TNFSF8: variants seen among roughly 807,000 people sequenced by gnomAD.
TNFSF8 encodes the protein tumor necrosis factor ligand superfamily member 8.
Under a neutral mutation model 22.0 loss-of-function variants are expected in TNFSF8, and 4 were observed. That is an observed-to-expected ratio of 0.18 (90% CI 0.09 to 0.42). The LOEUF (loss-of-function observed/expected upper bound fraction) is 0.42, where lower values mean the gene tolerates loss of function less well. Among genes scored for constraint, TNFSF8 ranks in the 10% least tolerant of loss-of-function variants. The probability of loss-of-function intolerance (pLI) is 1.00; values close to 1 mark genes in which losing one functional copy is unlikely to be tolerated. For synonymous variants in TNFSF8, 106 were observed against 112.5 expected, an observed-to-expected ratio of 0.94 and a Z score of 0.37; for missense variants, 233 against 281.8, an observed-to-expected ratio of 0.83 and a Z score of 1.24.
intron 2 of TNFSF8, among the ~76,000 whole-genome samples, chr9:114,907,204 G>A (rs189562540): frequency 2.2e-4 from 33 of 152,198 alleles, no homozygotes; most frequent in East Asian, 2.1e-3. Context: ...GAGGCACTCC[G>A]GGCAGAAGCA....
At chr9:114,923,397 A>G (rs140263501) in intron 1 of TNFSF8, among the ~76,000 whole-genome samples, 1 of 152,240 alleles carries the variant, frequency 6.6e-6, no homozygotes. Flanking sequence ...GACAAGGATC[A>G]TTAAGAAATG....
intron 1 of TNFSF8, among the ~76,000 whole-genome samples, chr9:114,927,297 CA>C (rs1828075908): frequency 2.0e-5 from 3 of 151,880 alleles, no homozygotes; most frequent in Admixed American, 2.0e-4. Context: ...GTCCTGCACA[CA>C]GTAGATATTT....
chr9:114,894,041 T>A (rs1283365307), exon 5 of TNFSF8: 1 of 1,494,624 alleles, frequency 6.7e-7, no homozygotes, highest in African/African-American at 1.4e-5. Context: ...TGACCCAGGG[T>A]AGAAGCAGTT....
rs201591439 is a variant in TNFSF8 at position 114,903,423 on chromosome 9, GGA to G, written c.*506_*507del. ...GTCACAAGTGTATCTGCCAGTATAG[GGA>G]AGTTTCCTGTGTGAGAGAGTCCTTG... On this transcript the variant is annotated 3_prime_UTR_variant, in exon 4 of 4. Transcript: ENST00000223795. 0.023 allele frequency: 3,562 copies of G among 153,164 alleles called. 72 individuals are homozygous for G. The highest frequency in any genetic ancestry group is 0.051 in the Admixed American group (787 of 15,366). The allele number at this position is 153,164 out of a possible 1,614,324, so 9.5% of individuals were successfully genotyped here.
chr9:114,920,860 G>T (rs1292872649), intron 1 of TNFSF8, among the ~76,000 whole-genome samples: 1 of 152,096 alleles, frequency 6.6e-6, no homozygotes, highest in Admixed American at 6.5e-5. Flanking sequence ...GTAGAGACGG[G>T]ATTTCGCCAT....
chr9:114,925,704 TAAA>T lies in TNFSF8; in HGVS notation c.195+4402_195+4404del, dbSNP rs1564372986. On this transcript the variant is annotated intron_variant, in intron 1 of 3. Coordinates refer to ENST00000223795, the MANE Select transcript of TNFSF8 (RefSeq NM_001244.4). ...AAAAGAGTATTATTATTATTATTTTTAAAAAAAGAATTTTTTTTGCTTATAAAG... is the reference window on the plus strand; with the variant it reads ...AAAAGAGTATTATTATTATTATTTTTAAAAGAATTTTTTTTGCTTATAAAG... Among the ~76,000 whole-genome samples the T allele has an allele frequency of 2.0e-5, 3 of 152,086 alleles. No individual in the cohort carries two copies. The South Asian group carries it at 6.2e-4, about 32-fold the overall frequency.
At chr9:114,923,478 T>TTCTTTC (rs376484064) in intron 1 of TNFSF8, among the ~76,000 whole-genome samples, 1 of 105,682 alleles carries the variant, frequency 9.5e-6, no homozygotes, top group Admixed American at 1.1e-4. Context: ...TTTTCTTTCT[T>TTCTTTC]TTTCTTTCTT....
chr9:114,897,688 A>C (rs533436811), downstream of TNFSF8, among the ~76,000 whole-genome samples: 1 of 152,310 alleles, frequency 6.6e-6, no homozygotes, highest in African/African-American at 2.4e-5. Flanking sequence ...ATTATCTGCA[A>C]GCTTCTGGTG....
At chr9:114,917,223 C>T (rs1451785810) in intron 2 of TNFSF8, among the ~76,000 whole-genome samples, 3 of 152,200 alleles carry the variant, frequency 2.0e-5, no homozygotes, top group African/African-American at 7.2e-5. Context: ...CACTTCCTTA[C>T]TTTTTGCTCT....
chr9:114,924,001 T>A (rs1828025604), intron 1 of TNFSF8, among the ~76,000 whole-genome samples: 1 of 152,212 alleles, frequency 6.6e-6, no homozygotes, highest in African/African-American at 2.4e-5. Flanking sequence ...AAATGTTTCA[T>A]CTGAGTATAA....
rs767734031 is a variant in TNFSF8, at chr9:114,902,590, A to C, written c.*1341T>G. 4.6e-4 allele frequency: 454 copies of C among 985,306 alleles called. No individual in the cohort carries two copies. Among genetic ancestry groups the C allele is most frequent in the Non-Finnish European group, 5.4e-4 (447 of 829,944 alleles). 61.0% of individuals were successfully genotyped at this position (985,306 alleles called of 1,614,324 possible). A position where few individuals can be genotyped will look rare whatever the true frequency, so the allele number is the denominator to read the frequency against. ...TGAGATCCTGCTGTTCACACCATTC[A>C]GCAGGGCACCCTGAACCTTGTCCCC... On this transcript the variant is annotated 3_prime_UTR_variant, in exon 4 of 4. Coordinates refer to ENST00000223795, the MANE Select transcript of TNFSF8 (RefSeq NM_001244.4).
At chr9:114,925,717 T>G (rs75801708) in intron 1 of TNFSF8, among the ~76,000 whole-genome samples, 4,515 of 152,206 alleles carry the variant, frequency 0.03, 113 homozygotes, top group Non-Finnish European at 0.043. Context: ...AAAAAGAATT[T>G]TTTTTGCTTA....
chr9:114,922,198 T>C (rs973108218), intron 1 of TNFSF8, among the ~76,000 whole-genome samples: 2 of 152,226 alleles, frequency 1.3e-5, no homozygotes, highest in Admixed American at 6.5e-5. Context: ...GAAAGGCTTG[T>C]TTCTTTTCAC....
At chr9:114,911,087 T>G (rs1384114228) in intron 2 of TNFSF8, among the ~76,000 whole-genome samples, 1 of 152,216 alleles carries the variant, frequency 6.6e-6, no homozygotes, top group Non-Finnish European at 1.5e-5. Flanking sequence ...TACTCCTCTT[T>G]TCTTTGTTGT....
chr9:114,897,112 G>A (rs965294360), downstream of TNFSF8, among the ~76,000 whole-genome samples: 2 of 152,068 alleles, frequency 1.3e-5, no homozygotes, highest in African/African-American at 4.8e-5. Context: ...TGTTGGTCAG[G>A]CTGGTCTCGA....
chr9:114,908,092 T>C (rs1207520341), intron 2 of TNFSF8, among the ~76,000 whole-genome samples: 1 of 152,200 alleles, frequency 6.6e-6, no homozygotes, highest in African/African-American at 2.4e-5. Context: ...AGTTTTTCCT[T>C]GTTTGAAACA....
At position 114,904,209 on chromosome 9, in the gene TNFSF8, A is replaced by T; in HGVS notation, c.427T>A (p.Cys143Ser). 6.2e-7 allele frequency: 1 copy of T among 1,614,190 alleles called. No individual in the cohort carries two copies. The highest frequency in any genetic ancestry group is 8.5e-7 in the Non-Finnish European group (1 of 1,180,002). Residue 143 changes from cysteine to serine, a missense_variant, in exon 4 of 4, where the codon TGC becomes AGC. Transcript: ENST00000223795. ...CATTGTACAAGAAACTGCAGTTGGC[A>T]AATGATGAAGTACAAACCAGGGAAT... Reference protein sequence around the residue: ...IQFPGLYFIICQLQFLVQCPN... With the variant: ...IQFPGLYFIISQLQFLVQCPN...
At chr9:114,894,980 G>A (rs532782319) in intron 4 of TNFSF8, among the ~76,000 whole-genome samples, 1 of 152,190 alleles carries the variant, frequency 6.6e-6, no homozygotes, top group African/African-American at 2.4e-5. Flanking sequence ...AGGCCAGCTG[G>A]TAAAATGAGA....
chr9:114,909,632 A>G (rs1827828579), intron 2 of TNFSF8, among the ~76,000 whole-genome samples: 1 of 152,204 alleles, frequency 6.6e-6, no homozygotes, highest in Admixed American at 6.5e-5. Context: ...AGCAGGCTGT[A>G]TAGACTCAGC....
Sources: allele counts gnomAD v4.1 joint callset (sites outside exome capture counted in the v4.1 genomes callset), GRCh38; gene constraint gnomAD v4.1.1; transcripts MANE v1.5; gene names NCBI Gene and HGNC (gene_info 2026-07-23, HGNC 2026-07-21).